SUN3: variants seen among roughly 807,000 people sequenced by gnomAD.
SUN3 encodes the protein SUN domain-containing protein 3.
A neutral mutation model predicts 48.2 loss-of-function variants in SUN3; 36 were observed. The ratio of observed to expected loss-of-function variants is 0.75; its 90% CI spans 0.57 to 0.99. SUN3 has a LOEUF of 0.99. SUN3 is among the 50% of genes least tolerant of loss of function. SUN3 has a pLI of 0.00. For missense variants in SUN3, 419 were observed against 433.1 expected, an observed-to-expected ratio of 0.97 and a Z score of 0.29; for synonymous variants, 148 against 147.9, an observed-to-expected ratio of 1.00 and a Z score of 0.00.
chr7:48,022,443 G>C (rs1453004011), intron 2 of SUN3, among the ~76,000 whole-genome samples: 1 of 152,060 alleles, frequency 6.6e-6, no homozygotes, highest in Non-Finnish European at 1.5e-5. Context: ...CAACACAAAG[G>C]ATAAATGCTT....
At chr7:48,013,886 T>A (rs1440353741) in intron 3 of SUN3, among the ~76,000 whole-genome samples, 1 of 152,224 alleles carries the variant, frequency 6.6e-6, no homozygotes, top group African/African-American at 2.4e-5. Context: ...AAAACCAGGT[T>A]AACACTGGTC....
intron 2 of SUN3, among the ~76,000 whole-genome samples, chr7:48,018,794 A>C (rs1789886888): frequency 6.6e-6 from 1 of 152,182 alleles, no homozygotes; most frequent in Non-Finnish European, 1.5e-5. Flanking sequence ...TGAAACAGGA[A>C]AGTATGGCAC....
At chr7:48,034,517 T>C in the SUN3 span, among the ~76,000 whole-genome samples, 3 of 152,200 alleles carry the variant, frequency 2.0e-5, no homozygotes, top group Non-Finnish European at 4.4e-5. Context: ...CAGGATTTCT[T>C]TGAATGTTCT....
intron 6 of SUN3, among the ~76,000 whole-genome samples, chr7:47,998,718 T>C (rs1789280374): frequency 6.6e-6 from 1 of 152,168 alleles, no homozygotes. Flanking sequence ...TTTTATAGAT[T>C]GTGGGTTTTG....
chr7:48,008,864 T>C lies in SUN3; in HGVS notation c.329+171A>G, dbSNP rs370286620. Reference sequence around the variant, plus strand: ...CTTTCTTTCCATCTGCATATATACATAGAGAAATGCTAGGAATGATATCAT... The same window carrying C: ...CTTTCTTTCCATCTGCATATATACACAGAGAAATGCTAGGAATGATATCAT... On this transcript the variant is annotated intron_variant, in intron 4 of 9. Coordinates refer to ENST00000297325, the MANE Select transcript of SUN3 (RefSeq NM_001030019.2). Among the ~76,000 whole-genome samples, 8 of 152,264 alleles carry C rather than the reference T, an allele frequency of 5.3e-5. No individual in the cohort carries two copies. The East Asian group carries it at 1.4e-3, about 26-fold the overall frequency.
At chr7:48,007,370 G>C (rs368481443) in intron 4 of SUN3, 43 bp from the exon 5 acceptor site, 4 of 1,587,688 alleles carry the variant, frequency 2.5e-6, no homozygotes, top group Non-Finnish European at 2.6e-6. Flanking sequence ...AAAGTGTAAA[G>C]CTCCTGTTAT....
At chr7:48,007,069 T>G in intron 5 of SUN3, 96 bp downstream of exon 5, 3 of 1,233,538 alleles carry the variant, frequency 2.4e-6, no homozygotes, top group East Asian at 2.5e-5. Context: ...AAGAAGCAGA[T>G]GTGACATCGG....
At chr7:47,991,090 A>C (rs1426085911) in intron 8 of SUN3, 1 of 452,886 alleles carries the variant, frequency 2.2e-6, no homozygotes, top group East Asian at 7.0e-5. Context: ...AACAAAACAA[A>C]ACAAACCAAA....
chr7:47,994,291 T>A, intron 8 of SUN3, 24 bp downstream of exon 8: 2 of 1,612,010 alleles, frequency 1.2e-6, no homozygotes, highest in South Asian at 2.2e-5. Context: ...CCAATCTGAA[T>A]GACAAATTTA....
chr7:48,008,811 C>T (rs1789603395), intron 4 of SUN3, among the ~76,000 whole-genome samples: 1 of 152,050 alleles, frequency 6.6e-6, no homozygotes, highest in Non-Finnish European at 1.5e-5. Context: ...TTAATCTTTT[C>T]TATCTCCTTT....
At chr7:47,996,494 T>A (rs1293358779) in intron 6 of SUN3, among the ~76,000 whole-genome samples, 1 of 152,226 alleles carries the variant, frequency 6.6e-6, no homozygotes, top group Non-Finnish European at 1.5e-5. Context: ...AAATGAGACT[T>A]CCTGTCATTC....
chr7:48,001,526 T>TG (rs1789369364), intron 6 of SUN3, among the ~76,000 whole-genome samples: 1 of 119,120 alleles, frequency 8.4e-6, no homozygotes, highest in Non-Finnish European at 1.8e-5. Flanking sequence ...TTTTCTGTTT[T>TG]TTTTGTTTTT....
At chr7:48,003,502 T>C (rs546815713) in intron 6 of SUN3, among the ~76,000 whole-genome samples, 1 of 152,380 alleles carries the variant, frequency 6.6e-6, no homozygotes, top group East Asian at 1.9e-4. Context: ...TTAGGCAGTA[T>C]GGGCATTTTA....
intron 2 of SUN3, among the ~76,000 whole-genome samples, chr7:48,021,687 T>C (rs1790001571): frequency 6.6e-6 from 1 of 152,066 alleles, no homozygotes; most frequent in Non-Finnish European, 1.5e-5. Flanking sequence ...TTTCATTGAT[T>C]GTCAGAGAAA....
chr7:47,995,071 GGTA>G (rs1170804727), intron 7 of SUN3, among the ~76,000 whole-genome samples: 1 of 152,050 alleles, frequency 6.6e-6, no homozygotes, highest in East Asian at 1.9e-4. Flanking sequence ...TGGTAGTAAT[GGTA>G]GTGGTGGTGA....
At chr7:48,005,857 C>A (rs1001658746) in intron 6 of SUN3, 112 bp downstream of exon 6, 4 of 545,762 alleles carry the variant, frequency 7.3e-6, no homozygotes, top group Non-Finnish European at 1.3e-5. Context: ...ATTTCCCCCC[C>A]CCAAGTTACC....
At chr7:48,012,182 G>A (rs1789701812) in intron 3 of SUN3, among the ~76,000 whole-genome samples, 1 of 152,206 alleles carries the variant, frequency 6.6e-6, no homozygotes, top group South Asian at 2.1e-4. Context: ...ATGTGAAAAT[G>A]TCCAGAGCAC....
At chr7:48,000,157 GATGGAGTTTC>G (rs1186716690) in intron 6 of SUN3, 1 of 152,202 alleles carries the variant, frequency 6.6e-6, no homozygotes, top group African/African-American at 2.4e-5. Context: ...GTTGTTTTGA[GATGGAGTTTC>G]GCTCTCGTCA....
chr7:47,999,862 G>A (rs1249899271), intron 6 of SUN3, among the ~76,000 whole-genome samples: 2 of 152,180 alleles, frequency 1.3e-5, no homozygotes, highest in African/African-American at 4.8e-5. Flanking sequence ...ATTAGCTTTT[G>A]GATATCTCTG....
Sources: allele counts gnomAD v4.1 joint callset (sites outside exome capture counted in the v4.1 genomes callset), GRCh38; gene constraint gnomAD v4.1.1; transcripts MANE v1.5; gene names NCBI Gene and HGNC (gene_info 2026-07-23, HGNC 2026-07-21).